Variants in RHOF observed in about 807,000 individuals in gnomAD.
The protein encoded by RHOF is rho-related GTP-binding protein RhoF.
Under a neutral mutation model 22.2 loss-of-function variants are expected in RHOF, and 21 were observed. That is an observed-to-expected ratio of 0.95 (90% CI 0.67 to 1.36). RHOF has a LOEUF of 1.36. RHOF is among the 40% of genes most tolerant of loss of function. The pLI is 0.00. For missense variants in RHOF, 285 were observed against 293.7 expected (o/e 0.97, Z 0.22); for synonymous variants, 135 against 131.2 (o/e 1.03, Z -0.20).
intron 2 of RHOF, among the ~76,000 whole-genome samples, chr12:121,783,755 T>C (rs1315699102): frequency 1.3e-5 from 2 of 152,188 alleles, no homozygotes; most frequent in Non-Finnish European, 2.9e-5. Flanking sequence ...GTGCTGGGAT[T>C]ACAGGGATGA....
chr12:121,787,128 TG>T (rs1173518946), intron 2 of RHOF, among the ~76,000 whole-genome samples: 1 of 152,218 alleles, frequency 6.6e-6, no homozygotes, highest in Non-Finnish European at 1.5e-5. Flanking sequence ...ACCTCTGTGC[TG>T]TTCACTGTTG....
Position 121,778,783 on chromosome 12 carries a change from C to A in RHOF, c.*715G>T, listed in dbSNP as rs2137458806. 1 of 152,466 alleles carries A rather than the reference C, an allele frequency of 6.6e-6. No individual in the cohort carries two copies. The highest frequency in any genetic ancestry group is 1.9e-4 in the East Asian group (1 of 5,178). 9.4% of individuals were successfully genotyped at this position (152,466 alleles called of 1,614,324 possible). On this transcript the variant is annotated 3_prime_UTR_variant, in exon 5 of 5. Coordinates refer to ENST00000267205, the MANE Select transcript of RHOF (RefSeq NM_019034.3). ...CACACTGGGAGCCGACTGTTCTTCC[C>A]ATCCCAAGTCTCTGACACTGGGGGC...
At chr12:121,783,386 A>G (rs1039943461) in intron 2 of RHOF, among the ~76,000 whole-genome samples, 2 of 146,356 alleles carry the variant, frequency 1.4e-5, no homozygotes, top group Non-Finnish European at 3.0e-5. Context: ...CAGTGTCCCA[A>G]TCTCAGCTCA....
chr12:121,780,189 C>T (rs533445949), intron 4 of RHOF: 1 of 156,014 alleles, frequency 6.4e-6, no homozygotes, highest in African/African-American at 2.4e-5. Flanking sequence ...TCCCGAGTAG[C>T]TGGGATTACA....
rs1383783152 is a variant in RHOF, at chr12:121,778,089, C to T, written c.*1409G>A. 6.6e-6 allele frequency: 1 copy of T among 152,154 alleles called. No individual in the cohort carries two copies. Among genetic ancestry groups the T allele is most frequent in the Non-Finnish European group, 1.5e-5 (1 of 68,050 alleles). The allele number at this position is 152,154 out of a possible 1,614,324, so 9.4% of individuals were successfully genotyped here. ...TATCCCATCTTAGGCGACACCGACT[C>T]CTAGGCGCCCTCCAGAGCCAAGCAG... is the stretch of plus-strand genomic sequence containing the variant. On this transcript the variant is annotated 3_prime_UTR_variant, in exon 5 of 5. Coordinates refer to ENST00000267205, the MANE Select transcript of RHOF (RefSeq NM_019034.3).
At chr12:121,787,909 A>AGGG (rs60048337) in intron 2 of RHOF, among the ~76,000 whole-genome samples, 23 of 48,824 alleles carry the variant, frequency 4.7e-4, no homozygotes, top group East Asian at 1.3e-3. Context: ...AAAAAAAAAA[A>AGGG]GGGGGGGGGG....
intron 2 of RHOF, 138 bp downstream of exon 2, chr12:121,793,014 G>C (rs534672958): frequency 2.4e-5 from 17 of 713,686 alleles, no homozygotes; most frequent in African/African-American, 1.6e-4. Context: ...CAGCGCCCCT[G>C]AGCGGCCTCC....
chr12:121,786,331 C>G (rs1268239008), intron 2 of RHOF, among the ~76,000 whole-genome samples: 2 of 152,210 alleles, frequency 1.3e-5, no homozygotes. Context: ...GCTGGGATTA[C>G]AGGCGTGAGC....
At chr12:121,779,750 C>T (rs1874378639) in intron 4 of RHOF, 88 bp from the exon 5 acceptor site, 2 of 1,417,678 alleles carry the variant, frequency 1.4e-6, no homozygotes, top group Non-Finnish European at 2.0e-6. Flanking sequence ...GCTCTGAGGA[C>T]TCTGCAGGGA....
At chr12:121,792,235 G>C (rs188292165) in intron 2 of RHOF, among the ~76,000 whole-genome samples, 4 of 152,226 alleles carry the variant, frequency 2.6e-5, no homozygotes, top group Non-Finnish European at 4.4e-5. Flanking sequence ...TTGGCTGGCC[G>C]GAGAGGGCCA....
Position 121,779,533 on chromosome 12 carries a change from G to T in RHOF, c.601C>A (p.Arg201=), listed in dbSNP as rs199516995. The change falls in exon 5 of 5, where the codon CGG becomes AGG. Residue 201 remains arginine (R), a synonymous_variant. Transcript: ENST00000267205. ...VALSALKKAQ[R]QKKRRLCLLL The stretch of plus-strand genomic sequence containing the variant: ...AGGCAGAGCCGGCGCTTCTTCTGCC[G>T]TTGCGCCTTCTTCAGAGCGCTGAGA... The T allele has an allele frequency of 6.2e-7, 1 of 1,612,878 alleles. No individual in the cohort carries two copies. The highest frequency in any genetic ancestry group is 1.1e-5 in the South Asian group (1 of 91,090).
chr12:121,781,230 C>T, intron 2 of RHOF, 38 bp from the exon 3 acceptor site: 2 of 1,587,178 alleles, frequency 1.3e-6, no homozygotes, highest in South Asian at 2.2e-5. Context: ...GGGACGTCCC[C>T]TCCCTGTCTG....
intron 2 of RHOF, among the ~76,000 whole-genome samples, chr12:121,791,030 C>T (rs955999390): frequency 3.3e-5 from 5 of 151,886 alleles, no homozygotes; most frequent in East Asian, 3.9e-4. Flanking sequence ...TGTGCCAACA[C>T]GCCTGGCTAA....
intron 2 of RHOF, among the ~76,000 whole-genome samples, chr12:121,790,307 CTG>C (rs756076037): frequency 5.3e-5 from 8 of 152,270 alleles, no homozygotes; most frequent in Non-Finnish European, 4.4e-5. Flanking sequence ...CCTTCCGCCA[CTG>C]TGTGTGGCCC....
At chr12:121,788,519 C>T (rs1406746661) in intron 2 of RHOF, among the ~76,000 whole-genome samples, 1 of 152,136 alleles carries the variant, frequency 6.6e-6, no homozygotes, top group Non-Finnish European at 1.5e-5. Flanking sequence ...CCGTGTGCAC[C>T]AACCCCATGC....
At chr12:121,792,106 G>T (rs1409103047) in intron 2 of RHOF, among the ~76,000 whole-genome samples, 1 of 132,126 alleles carries the variant, frequency 7.6e-6, no homozygotes, top group Non-Finnish European at 1.5e-5. Flanking sequence ...AATGGAGGGG[G>T]GCTCTGAGCT....
At chr12:121,791,024 C>T (rs1874750290) in intron 2 of RHOF, among the ~76,000 whole-genome samples, 1 of 151,938 alleles carries the variant, frequency 6.6e-6, no homozygotes, top group Admixed American at 6.6e-5. Flanking sequence ...TAGGTATGTG[C>T]CAACACGCCT....
At chr12:121,784,008 CTG>C (rs1165182590) in intron 2 of RHOF, among the ~76,000 whole-genome samples, 1 of 152,200 alleles carries the variant, frequency 6.6e-6, no homozygotes, top group African/African-American at 2.4e-5. Context: ...CACCATCTCA[CTG>C]TTTCTCAAAC....
intron 2 of RHOF, among the ~76,000 whole-genome samples, chr12:121,787,547 C>T (rs12314801): frequency 0.16 from 23,639 of 152,148 alleles, 1,939 homozygotes; most frequent in African/African-American, 0.18. Flanking sequence ...GAAAAGTGAG[C>T]GAGCCTTGAT....
Sources: gnomAD v4.1 joint callset for allele counts (sites outside exome capture counted in the v4.1 genomes callset) on GRCh38, gnomAD v4.1.1 for gene constraint, MANE v1.5 for transcripts, NCBI Gene and HGNC (gene_info 2026-07-23, HGNC 2026-07-21) for gene names.